Variants in LMCD1 observed in about 807,000 individuals in gnomAD.
LMCD1 encodes LIM and cysteine rich domains 1, also known as LIM and cysteine-rich domains protein 1.
Under a neutral mutation model 42.7 loss-of-function variants are expected in LMCD1, and 32 were observed. The ratio of observed to expected loss-of-function variants is 0.75; its 90% CI spans 0.57 to 1.01. The LOEUF (loss-of-function observed/expected upper bound fraction) is 1.01. Ranked by LOEUF, LMCD1 falls within the 50% of genes least tolerant of loss-of-function variation. LMCD1 has a pLI of 0.00. For missense variants in LMCD1, 458 were observed against 483.1 expected (o/e 0.95, Z 0.49); for synonymous variants, 178 against 184.9 (o/e 0.96, Z 0.30).
Position 8,567,702 on chromosome 3 carries a change from A to T in LMCD1, c.*104A>T. ...TCCGATGTGACAGCAAGCAAGTGAA[A>T]TAAACAATGATTTGCTTTTCAGTGA... On this transcript the variant is annotated 3_prime_UTR_variant, in exon 6 of 6. Transcript: ENST00000157600. The T allele has an allele frequency of 9.1e-7, 1 of 1,099,532 alleles. No individual in the cohort carries two copies. The highest frequency in any genetic ancestry group is 1.3e-6 in the Non-Finnish European group (1 of 763,312). The allele number at this position is 1,099,532 out of a possible 1,614,324, so 68.1% of individuals were successfully genotyped here.
intron 1 of LMCD1, among the ~76,000 whole-genome samples, chr3:8,522,100 G>T (rs1307617865): frequency 6.6e-6 from 1 of 152,180 alleles, no homozygotes; most frequent in African/African-American, 2.4e-5. Context: ...GATGGGTTGG[G>T]GGGAGGCAGG....
intron 4 of LMCD1, chr3:8,550,514 A>G (rs1694822043): frequency 1.0e-6 from 1 of 984,934 alleles, no homozygotes. Context: ...TGCATCCTCC[A>G]TCTCCAAGCC....
chr3:8,556,285 A>G (rs1219763143), intron 4 of LMCD1, among the ~76,000 whole-genome samples: 1 of 152,208 alleles, frequency 6.6e-6, no homozygotes, highest in African/African-American at 2.4e-5. Flanking sequence ...TCAGGTCACA[A>G]TCCGTCAGTG....
rs187947480 is a variant in LMCD1 at position 8,507,512 on chromosome 3, C to G, written c.42+5532C>G. Among the ~76,000 whole-genome samples, 17 of 152,266 alleles carry G rather than the reference C, an allele frequency of 1.1e-4. No homozygotes were observed. In the East Asian group the frequency reaches 3.3e-3, roughly 29 times the overall value. On this transcript the variant is annotated intron_variant, in intron 1 of 5. Transcript: ENST00000157600. ...CTCAGAAAAGAGAAAGGAGTCTGTT[C>G]TTACTTTTATTATCTATTTGGATTC...
intron 3 of LMCD1, among the ~76,000 whole-genome samples, chr3:8,540,859 A>G (rs1380395228): frequency 6.6e-6 from 1 of 152,178 alleles, no homozygotes; most frequent in Non-Finnish European, 1.5e-5. Context: ...GAGCCAATGC[A>G]GGGGTGGCAC....
chr3:8,508,747 A>T (rs902265530), intron 1 of LMCD1, among the ~76,000 whole-genome samples: 2 of 152,370 alleles, frequency 1.3e-5, no homozygotes, highest in East Asian at 3.9e-4. Context: ...CAACCAAGAT[A>T]CATTGACTCA....
At chr3:8,565,678 G>T (rs370357584) in intron 5 of LMCD1, 31 bp downstream of exon 5, 2 of 1,547,298 alleles carry the variant, frequency 1.3e-6, no homozygotes, top group Non-Finnish European at 1.8e-6. Context: ...GGGTTAGGGG[G>T]CTTGAGGGAC....
intron 4 of LMCD1, among the ~76,000 whole-genome samples, chr3:8,561,714 G>A (rs2125039624): frequency 6.6e-6 from 1 of 152,322 alleles, no homozygotes; most frequent in East Asian, 1.9e-4. Context: ...TTCTAAGAGA[G>A]AAGATAATGA....
intron 3 of LMCD1, among the ~76,000 whole-genome samples, chr3:8,542,784 C>T (rs1001176442): frequency 6.6e-6 from 1 of 152,226 alleles, no homozygotes; most frequent in African/African-American, 2.4e-5. Flanking sequence ...GGGGAGGTTA[C>T]TTAACTTCTC....
chr3:8,573,241 C>T lies in LMCD1; in HGVS notation c.*5643C>T, dbSNP rs1695247215. On this transcript the variant is annotated 3_prime_UTR_variant, in exon 6 of 6. Coordinates refer to ENST00000157600, the MANE Select transcript of LMCD1 (RefSeq NM_014583.4). ...CACATTTCTGAAGCCATTACACTTC[C>T]TAGTTTATTTGGATTTAAGTTGACA... The T allele has an allele frequency of 6.6e-6, 1 of 152,114 alleles. No homozygotes were observed. The highest frequency in any genetic ancestry group is 6.6e-5 in the Admixed American group (1 of 15,262). 9.4% of individuals were successfully genotyped at this position (152,114 alleles called of 1,614,324 possible).
At chr3:8,567,312 C>A in intron 5 of LMCD1, 128 bp from the exon 6 acceptor site, 1 of 938,790 alleles carries the variant, frequency 1.1e-6, no homozygotes, top group Non-Finnish European at 1.6e-6. Context: ...GATTTTTCCA[C>A]TAAGGCTTTA....
chr3:8,551,335 C>T (rs1018350904), intron 4 of LMCD1: 10 of 985,236 alleles, frequency 1.0e-5, no homozygotes, highest in East Asian at 1.1e-4. Context: ...TTTGCCTAGG[C>T]GGACGGTGCG....
chr3:8,549,876 G>T, intron 4 of LMCD1: 1 of 739,466 alleles, frequency 1.4e-6, no homozygotes, highest in Non-Finnish European at 2.4e-6. Context: ...CTTCTTAGAA[G>T]CCAGTCCCAC....
intron 1 of LMCD1, among the ~76,000 whole-genome samples, chr3:8,520,949 ACAG>A (rs1439201590): frequency 2.0e-5 from 3 of 152,202 alleles, no homozygotes; most frequent in Non-Finnish European, 4.4e-5. Flanking sequence ...CAATTCTGAA[ACAG>A]CGGAAAATGG....
At chr3:8,512,011 G>C (rs754720794) in intron 1 of LMCD1, among the ~76,000 whole-genome samples, 15 of 152,164 alleles carry the variant, frequency 9.9e-5, no homozygotes, top group Non-Finnish European at 2.1e-4. Flanking sequence ...GGAAAGAAAG[G>C]AACACACACG....
chr3:8,502,280 A>ATATATATTATATATTT (rs1693741360), intron 1 of LMCD1, among the ~76,000 whole-genome samples: 5 of 57,302 alleles, frequency 8.7e-5, no homozygotes, highest in East Asian at 7.2e-4. Flanking sequence ...TATATATAAA[A>ATATATATTATATATTT]TATATATAAT....
At chr3:8,522,081 G>T (rs1574952270) in intron 1 of LMCD1, among the ~76,000 whole-genome samples, 1 of 152,318 alleles carries the variant, frequency 6.6e-6, no homozygotes, top group East Asian at 1.9e-4. Flanking sequence ...GTGAAGCTTG[G>T]CTAGCAGAGA....
chr3:8,542,276 A>G (rs1027557753), intron 3 of LMCD1, among the ~76,000 whole-genome samples: 1 of 152,168 alleles, frequency 6.6e-6, no homozygotes, highest in African/African-American at 2.4e-5. Flanking sequence ...TGCTTGGATT[A>G]CAGGCATGAA....
intron 1 of LMCD1, among the ~76,000 whole-genome samples, chr3:8,516,228 G>A (rs538460705): frequency 2.6e-5 from 4 of 152,184 alleles, no homozygotes; most frequent in East Asian, 1.9e-4. Flanking sequence ...CTGGGGAAGC[G>A]GTTGGCCTGG....
Sources: allele counts gnomAD v4.1 joint callset (sites outside exome capture counted in the v4.1 genomes callset), GRCh38; gene constraint gnomAD v4.1.1; transcripts MANE v1.5; gene names NCBI Gene and HGNC (gene_info 2026-07-23, HGNC 2026-07-21).